The following CORIN variants were observed in gnomAD, a reference collection of about 807,000 sequenced individuals.
The protein encoded by CORIN is atrial natriuretic peptide-converting enzyme.
Under a neutral mutation model 125.3 loss-of-function variants are expected in CORIN, and 117 were observed. The ratio of observed to expected loss-of-function variants is 0.93; its 90% CI spans 0.80 to 1.09. CORIN has a LOEUF of 1.09. Ranked by LOEUF, CORIN falls within the 50% of genes least tolerant of loss-of-function variation. The probability of loss-of-function intolerance (pLI) is 0.00; values close to 1 mark genes in which losing one functional copy is unlikely to be tolerated. For missense variants in CORIN, 1,253 were observed against 1,306.7 expected (o/e 0.96, Z 0.63); for synonymous variants, 450 against 466.4 (o/e 0.96, Z 0.45).
At chr4:47,729,543 G>A (rs961369602) in intron 5 of CORIN, among the ~76,000 whole-genome samples, 2 of 152,128 alleles carry the variant, frequency 1.3e-5, no homozygotes, top group Admixed American at 1.3e-4. Flanking sequence ...AGTCAGAGAC[G>A]CAATCAGGGC....
chr4:47,734,139 T>G (rs1728014461), intron 5 of CORIN, among the ~76,000 whole-genome samples: 1 of 152,132 alleles, frequency 6.6e-6, no homozygotes, highest in African/African-American at 2.4e-5. Context: ...CTCCTGAACC[T>G]CAGTTTCTTA....
At chr4:47,618,847 G>A (rs867321069) in intron 19 of CORIN, among the ~76,000 whole-genome samples, 3 of 151,862 alleles carry the variant, frequency 2.0e-5, no homozygotes, top group African/African-American at 2.4e-5. Flanking sequence ...AAAAAGAAAG[G>A]AGGCAAGAAG....
At chr4:47,707,213 T>A (rs2109770199) in intron 5 of CORIN, among the ~76,000 whole-genome samples, 1 of 152,298 alleles carries the variant, frequency 6.6e-6, no homozygotes, top group Non-Finnish European at 1.5e-5. Context: ...TAGGGAGTTG[T>A]ATGTTAGTGT....
intron 3 of CORIN, among the ~76,000 whole-genome samples, chr4:47,784,294 C>G (rs1730689044): frequency 1.3e-5 from 2 of 152,156 alleles, no homozygotes; most frequent in African/African-American, 4.8e-5. Context: ...TACTGAGAGT[C>G]TATGTGGCCA....
intron 5 of CORIN, among the ~76,000 whole-genome samples, chr4:47,693,736 C>T (rs1725869023): frequency 6.6e-6 from 1 of 152,024 alleles, no homozygotes; most frequent in African/African-American, 2.4e-5. Context: ...TATATTTTTG[C>T]TTTTAATATT....
At chr4:47,655,946 C>T (rs1723955268) in intron 12 of CORIN, among the ~76,000 whole-genome samples, 1 of 151,430 alleles carries the variant, frequency 6.6e-6, no homozygotes, top group South Asian at 2.1e-4. Flanking sequence ...CAAACTACTC[C>T]AAACAATAGA....
intron 12 of CORIN, among the ~76,000 whole-genome samples, chr4:47,658,303 G>T (rs866881362): frequency 6.6e-6 from 1 of 152,190 alleles, no homozygotes; most frequent in Middle Eastern, 3.2e-3. Flanking sequence ...CTGGTACAGG[G>T]GTGGGCTCCT....
intron 4 of CORIN, among the ~76,000 whole-genome samples, chr4:47,758,536 A>G (rs1448526571): frequency 1.3e-5 from 2 of 152,240 alleles, no homozygotes; most frequent in Non-Finnish European, 2.9e-5. Context: ...CTATTAAAAA[A>G]ACAAAGCTGG....
chr4:47,749,847 GCAC>G (rs1276891667), intron 4 of CORIN, among the ~76,000 whole-genome samples: 3 of 152,134 alleles, frequency 2.0e-5, no homozygotes, highest in African/African-American at 7.2e-5. Flanking sequence ...ATAGTCACAG[GCAC>G]CTCCCAGAGC....
chr4:47,609,655 T>C (rs1251852007), intron 19 of CORIN, among the ~76,000 whole-genome samples: 3 of 152,200 alleles, frequency 2.0e-5, no homozygotes, highest in African/African-American at 4.8e-5. Flanking sequence ...GTTTGTTACA[T>C]AGGTAAACGT....
intron 1 of CORIN, among the ~76,000 whole-genome samples, chr4:47,809,747 T>C (rs182222711): frequency 1.8e-3 from 270 of 151,996 alleles, no homozygotes; most frequent in African/African-American, 6.3e-3. Context: ...GAGGAAGAAA[T>C]AGGTAGGAGA....
At chr4:47,724,811 A>C (rs1430981958) in intron 5 of CORIN, among the ~76,000 whole-genome samples, 1 of 152,198 alleles carries the variant, frequency 6.6e-6, no homozygotes, top group Non-Finnish European at 1.5e-5. Flanking sequence ...GGATTACCTG[A>C]TTAGGTCTAC....
At chr4:47,779,392 C>T (rs2109902805) in intron 3 of CORIN, among the ~76,000 whole-genome samples, 1 of 151,952 alleles carries the variant, frequency 6.6e-6, no homozygotes, top group South Asian at 2.1e-4. Flanking sequence ...GGTAAAACTC[C>T]AAGGCCTGCT....
At chr4:47,748,647 T>C (rs1453504186) in intron 4 of CORIN, among the ~76,000 whole-genome samples, 1 of 152,084 alleles carries the variant, frequency 6.6e-6, no homozygotes, top group Non-Finnish European at 1.5e-5. Context: ...GAATTTATCT[T>C]CAAATAATTT....
At chr4:47,637,752 C>T (rs2109597386) in intron 16 of CORIN, among the ~76,000 whole-genome samples, 1 of 152,284 alleles carries the variant, frequency 6.6e-6, no homozygotes, top group Admixed American at 6.5e-5. Context: ...AGGGGTGGGG[C>T]CCTCATGGAG....
chr4:47,670,546 G>T (rs537894956), intron 10 of CORIN, among the ~76,000 whole-genome samples: 1 of 152,218 alleles, frequency 6.6e-6, no homozygotes, highest in African/African-American at 2.4e-5. Context: ...TTTCTTCCTT[G>T]GTGTTGAATA....
intron 1 of CORIN, among the ~76,000 whole-genome samples, chr4:47,836,269 G>C (rs1733402754): frequency 6.6e-6 from 1 of 151,804 alleles, no homozygotes; most frequent in African/African-American, 2.4e-5. Flanking sequence ...CAAACCTATT[G>C]GGCACCTAAT....
intron 19 of CORIN, among the ~76,000 whole-genome samples, chr4:47,607,617 A>T (rs575283384): frequency 2.0e-5 from 3 of 152,272 alleles, no homozygotes; most frequent in Admixed American, 2.0e-4. Flanking sequence ...TGTTTGAAAG[A>T]GTCTCCTGGG....
chr4:47,699,269 A>G (rs1388094631), intron 5 of CORIN, among the ~76,000 whole-genome samples: 1 of 152,152 alleles, frequency 6.6e-6, no homozygotes, highest in Non-Finnish European at 1.5e-5. Flanking sequence ...CTCTAATCCC[A>G]TCATTAAATG....
Sources: allele counts gnomAD v4.1 joint callset (sites outside exome capture counted in the v4.1 genomes callset), GRCh38; gene constraint gnomAD v4.1.1; transcripts MANE v1.5; gene names NCBI Gene and HGNC (gene_info 2026-07-23, HGNC 2026-07-21).